OVCH2: variants seen among roughly 807,000 people sequenced by gnomAD.
OVCH2 encodes ovochymase 2, also known as ovochymase-2.
Under a neutral mutation model 73.7 loss-of-function variants are expected in OVCH2, and 88 were observed. The ratio of observed to expected loss-of-function variants is 1.19; its 90% CI spans 1.01 to 1.43. OVCH2 has a LOEUF of 1.43. Among genes scored for constraint, OVCH2 ranks in the 40% most tolerant of loss-of-function variants. OVCH2 has a pLI of 0.00. For synonymous variants in OVCH2, 265 were observed against 234.5 expected, an observed-to-expected ratio of 1.13 and a Z score of -1.19; for missense variants, 706 against 674.5, an observed-to-expected ratio of 1.05 and a Z score of -0.52.
downstream of OVCH2, among the ~76,000 whole-genome samples, chr11:7,685,644 C>T (rs1004216186): frequency 1.2e-5 from 1 of 83,774 alleles, no homozygotes; most frequent in African/African-American, 1.0e-4. Context: ...CCCACCCGGT[C>T]GGTGTCCAGC....
chr11:7,703,802 T>C lies in OVCH2; in HGVS notation c.199-13A>G. On this transcript the variant is annotated splice_polypyrimidine_tract_variant and intron_variant, in intron 2 of 15. Coordinates refer to ENST00000533663, the MANE Select transcript of OVCH2 (RefSeq NM_198185.7). ...GTTTCAGAGATACCTAAATTGCAAA[T>C]ACCTTAAATGAAAGCAAGTTCATGC... 6.3e-7 allele frequency: 1 copy of C among 1,590,904 alleles called. No homozygotes were observed. Among genetic ancestry groups the C allele is most frequent in the South Asian group, 1.1e-5 (1 of 87,540 alleles).
chr11:7,700,454 T>G lies in OVCH2; in HGVS notation c.743A>C (p.Asn248Thr), dbSNP rs1222934971. 1 of 1,609,718 alleles carries G rather than the reference T, an allele frequency of 6.2e-7. No individual in the cohort carries two copies. The highest frequency in any genetic ancestry group is 8.5e-7 in the Non-Finnish European group (1 of 1,178,058). The change falls in exon 7 of 16, where the codon AAT (asparagine) becomes ACT (threonine). Residue 248 changes from asparagine to threonine, a missense_variant. Transcript: ENST00000533663. Reference sequence around the variant, plus strand: ...AGCCAGAGTCCAGGCCCCTTTCTTATTCCGGCACATGAGTGAACCTCCTGA... The same window carrying G: ...AGCCAGAGTCCAGGCCCCTTTCTTAGTCCGGCACATGAGTGAACCTCCTGA... ...GDSGGSLMCR[N>T]KKGAWTLAGV...
At chr11:7,686,763 T>C (rs565546846), downstream of OVCH2, among the ~76,000 whole-genome samples, 102 of 152,324 alleles carry the variant, frequency 6.7e-4, no homozygotes, top group African/African-American at 2.4e-3. Context: ...GAACAGACCA[T>C]TCAATTCTGA....
chr11:7,706,088 C>T, intron 1 of OVCH2: 1 of 444,920 alleles, frequency 2.2e-6, no homozygotes, highest in East Asian at 4.1e-5. Context: ...GGATTGTTTA[C>T]TTAATTGGAT....
chr11:7,690,850 G>A (rs11825308), intron 14 of OVCH2, among the ~76,000 whole-genome samples: 22,888 of 151,808 alleles, frequency 0.15, 1,866 homozygotes, highest in African/African-American at 0.2. Flanking sequence ...CTGAAGTGCC[G>A]TCTAGTGTTC....
chr11:7,691,630 C>T (rs907909190), intron 13 of OVCH2, among the ~76,000 whole-genome samples: 2 of 152,194 alleles, frequency 1.3e-5, no homozygotes, highest in African/African-American at 4.8e-5. Context: ...GGAACTGGTT[C>T]TAGCCTCAGG....
chr11:7,680,133 C>G, the OVCH2 span, among the ~76,000 whole-genome samples: 5 of 152,220 alleles, frequency 3.3e-5, no homozygotes, highest in African/African-American at 1.2e-4. Context: ...ATGGGAACCC[C>G]ACTTCATAGC....
downstream of OVCH2, among the ~76,000 whole-genome samples, chr11:7,685,070 A>C (rs1337751873): frequency 6.6e-6 from 1 of 152,208 alleles, no homozygotes; most frequent in Non-Finnish European, 1.5e-5. Context: ...GCAGAGAGGC[A>C]TTCTTTCTCA....
downstream of OVCH2, among the ~76,000 whole-genome samples, chr11:7,685,797 A>G (rs991840514): frequency 7.9e-5 from 12 of 152,180 alleles, no homozygotes; most frequent in Non-Finnish European, 1.8e-4. Context: ...TATCTAGCTC[A>G]GCTAGGCATG....
chr11:7,691,165 G>A, intron 14 of OVCH2, 104 bp downstream of exon 14: 1 of 1,349,448 alleles, frequency 7.4e-7, no homozygotes, highest in Non-Finnish European at 1.0e-6. Flanking sequence ...AATTACTGCA[G>A]ATAGTGAGAA....
chr11:7,685,657 C>CAGCTCCTGCCCTTGCCCAGCCAT (rs1856134407), downstream of OVCH2, among the ~76,000 whole-genome samples: 1 of 152,138 alleles, frequency 6.6e-6, no homozygotes, highest in African/African-American at 2.4e-5. Flanking sequence ...TGTCCAGCCA[C>CAGCTCCTGCCCTTGCCCAGCCAT]AGCTCCTGCC....
intron 3 of OVCH2, 59 bp from the exon 4 acceptor site, chr11:7,702,388 A>G (rs979957807): frequency 8.3e-6 from 11 of 1,323,920 alleles, no homozygotes; most frequent in Non-Finnish European, 1.0e-5. Flanking sequence ...TACAGTTGCA[A>G]TGGTTGACAC....
At chr11:7,697,728 C>G (rs1014971044) in intron 8 of OVCH2, among the ~76,000 whole-genome samples, 2 of 152,152 alleles carry the variant, frequency 1.3e-5, no homozygotes, top group Non-Finnish European at 2.9e-5. Flanking sequence ...CTATTCCTTC[C>G]TTTTCATTCT....
rs531496130 is a variant in OVCH2, at chr11:7,695,227, C to T, written c.1283-39G>A. 38 of 1,523,412 alleles carry T rather than the reference C, an allele frequency of 2.5e-5. No individual in the cohort carries two copies. The Middle Eastern group carries it at 5.1e-4, about 21-fold the overall frequency. The allele number at this position is 1,523,412 out of a possible 1,614,324, so 94.4% of individuals were successfully genotyped here. ...AAAAGTCCAAACAGATGGCACCATTCAAATAAAGAAGAATTCTCACTGCTC... is the reference window on the plus strand; with the variant it reads ...AAAAGTCCAAACAGATGGCACCATTTAAATAAAGAAGAATTCTCACTGCTC... On this transcript the variant is annotated intron_variant, in intron 11 of 15. Transcript: ENST00000533663.
chr11:7,687,126 C>T (rs1280159277), downstream of OVCH2, among the ~76,000 whole-genome samples: 1 of 151,746 alleles, frequency 6.6e-6, no homozygotes, highest in Non-Finnish European at 1.5e-5. Flanking sequence ...ACCCCCGGAC[C>T]CCAACCCCGC....
At chr11:7,695,783 C>A in intron 10 of OVCH2, 73 bp from the exon 11 acceptor site, 1 of 1,530,916 alleles carries the variant, frequency 6.5e-7, no homozygotes, top group South Asian at 1.2e-5. Flanking sequence ...TTAAGAAGAA[C>A]TGAATTTGCC....
chr11:7,696,367 G>A (rs1188681149), intron 10 of OVCH2, 98 bp downstream of exon 10: 1 of 1,490,710 alleles, frequency 6.7e-7, no homozygotes, highest in Non-Finnish European at 9.2e-7. Context: ...CAAGAAGTGT[G>A]GCATTTACAG....
intron 4 of OVCH2, 121 bp downstream of exon 4, chr11:7,702,035 TC>T: frequency 1.0e-6 from 1 of 965,300 alleles, no homozygotes; most frequent in Non-Finnish European, 1.6e-6. Flanking sequence ...GGTAGGACTC[TC>T]CAGCCTAAAT....
At chr11:7,701,596 C>T (rs1856438841) in intron 5 of OVCH2, 120 bp downstream of exon 5, 4 of 1,464,886 alleles carry the variant, frequency 2.7e-6, no homozygotes, top group Non-Finnish European at 3.7e-6. Flanking sequence ...ATGTGACATT[C>T]CCTATCTTTA....
Sources: gnomAD v4.1 joint callset for allele counts (sites outside exome capture counted in the v4.1 genomes callset) on GRCh38, gnomAD v4.1.1 for gene constraint, MANE v1.5 for transcripts, NCBI Gene and HGNC (gene_info 2026-07-23, HGNC 2026-07-21) for gene names.